The following UNC5B variants were observed in gnomAD, a reference collection of about 807,000 sequenced individuals.
The protein encoded by UNC5B is netrin receptor UNC5B.
A neutral mutation model predicts 103.7 loss-of-function variants in UNC5B; 56 were observed. The observed-to-expected ratio is 0.54, with a 90% confidence interval of 0.44 to 0.67. The LOEUF (loss-of-function observed/expected upper bound fraction) is 0.67. Among genes scored for constraint, UNC5B ranks in the 30% least tolerant of loss-of-function variants. The pLI, the probability that UNC5B is intolerant of heterozygous loss-of-function variation, is 0.00. For synonymous variants in UNC5B, 577 were observed against 542.0 expected (o/e 1.06, Z -0.90); for missense variants, 1,194 against 1,284.5 (o/e 0.93, Z 1.08).
rs2275576 is a variant in UNC5B, at chr10:71,301,951, A to G, written c.*2674A>G. On this transcript the variant is annotated 3_prime_UTR_variant, in exon 17 of 17. Transcript: ENST00000335350. Reference sequence around the variant, plus strand: ...CCCAGGACAGGAGCTTGACGGATGAAGTGCAGCCAGCCACCCAGGTGCCAT... The same window carrying G: ...CCCAGGACAGGAGCTTGACGGATGAGGTGCAGCCAGCCACCCAGGTGCCAT... 84,368 of 152,100 alleles carry G rather than the reference A, an allele frequency of 0.55. 24,412 individuals are homozygous for G. Among genetic ancestry groups the G allele is most frequent in the African/African-American group, 0.73 (30,152 of 41,454 alleles). The allele number at this position is 152,100 out of a possible 1,614,324, so 9.4% of individuals were successfully genotyped here.
rs1166415718 is a variant in UNC5B, at chr10:71,213,912, G to A, written c.79+848G>A. On this transcript the variant is annotated intron_variant, in intron 1 of 16. Coordinates refer to ENST00000335350, the MANE Select transcript of UNC5B (RefSeq NM_170744.5). The surrounding 1 kb of genome is among the most constrained non-coding windows in gnomAD (Gnocchi z 4.1). ...CCAAGATGACTTCAGCGAACTGGTG[G>A]GCTCCGAAATAAAGTCCCTAACCCT... is the stretch of plus-strand genomic sequence containing the variant. 6.6e-6 allele frequency among the ~76,000 whole-genome samples: 1 copy of A among 151,852 alleles called. No homozygotes were observed. The highest frequency in any genetic ancestry group is 1.5e-5 in the Non-Finnish European group (1 of 67,950).
At chr10:71,236,832 T>C (rs185971968) in intron 1 of UNC5B, among the ~76,000 whole-genome samples, 2 of 152,192 alleles carry the variant, frequency 1.3e-5, no homozygotes, top group African/African-American at 2.4e-5. Flanking sequence ...AACCCCCATA[T>C]TTATCATTCC....
intron 1 of UNC5B, among the ~76,000 whole-genome samples, chr10:71,265,267 T>C (rs1844498098): frequency 6.6e-6 from 1 of 152,158 alleles, no homozygotes; most frequent in Non-Finnish European, 1.5e-5. Context: ...AGGTGGTTCT[T>C]TGTGGCCAGG....
At chr10:71,252,665 C>T (rs757769235) in intron 1 of UNC5B, among the ~76,000 whole-genome samples, 1 of 152,184 alleles carries the variant, frequency 6.6e-6, no homozygotes, top group Non-Finnish European at 1.5e-5. Context: ...ATCATTTCTC[C>T]CATCTTATTG....
chr10:71,284,971 G>A lies in UNC5B; in HGVS notation c.448+108G>A, dbSNP rs1407877205. On this transcript the variant is annotated intron_variant, in intron 3 of 16. Transcript: ENST00000335350. Reference sequence around the variant, plus strand: ...GGGGCCTCCTCCAGCATCCCTGGCTGAGGATGCCCACGGCAGAGACATCCC... The same window carrying A: ...GGGGCCTCCTCCAGCATCCCTGGCTAAGGATGCCCACGGCAGAGACATCCC... The A allele has an allele frequency of 1.1e-5, 16 of 1,469,112 alleles. No homozygotes were observed. In the East Asian group the frequency reaches 3.5e-4, roughly 32 times the overall value. 91.0% of individuals were successfully genotyped at this position (1,469,112 alleles called of 1,614,324 possible). A position where few individuals can be genotyped will look rare whatever the true frequency, so the allele number is the denominator to read the frequency against.
rs142079000 is a variant in UNC5B at position 71,293,524 on chromosome 10, G to A, written c.1892G>A (p.Arg631His). 58 of 1,613,952 alleles carry A rather than the reference G, an allele frequency of 3.6e-5. No individual in the cohort carries two copies. The highest frequency in any genetic ancestry group is 1.6e-4 in the Middle Eastern group (1 of 6,062). ...TMPHCAEVSA[R>H]DWIFQLKTQA... is the part of the protein sequence containing the mutation. ...CCCCACTGTGCCGAAGTCAGTGCCC[G>A]TGACTGGATCTTTCAGCTCAAGACC... Residue 631 changes from arginine to histidine, a missense_variant, in exon 12 of 17, where the codon CGT (arginine) becomes CAT (histidine). Transcript: ENST00000335350.
chr10:71,266,339 G>A (rs1050678549), intron 1 of UNC5B, among the ~76,000 whole-genome samples: 22 of 151,962 alleles, frequency 1.4e-4, no homozygotes, highest in African/African-American at 4.8e-4. Flanking sequence ...CACCCTCCCC[G>A]CTTCCTGGTG....
In UNC5B at chr10:71,288,954, A is replaced by G; in HGVS notation, c.1067-4A>G. 1 of 1,613,722 alleles carries G rather than the reference A, an allele frequency of 6.2e-7. No homozygotes were observed. Among genetic ancestry groups the G allele is most frequent in the Non-Finnish European group, 8.5e-7 (1 of 1,179,910 alleles). On this transcript the variant is annotated splice_region_variant and splice_polypyrimidine_tract_variant and intron_variant, in intron 7 of 16. Coordinates refer to ENST00000335350, the MANE Select transcript of UNC5B (RefSeq NM_170744.5). ...ATTGTCTTTCCCTTTATTTCCCTTG[A>G]CAGATAAGAAAACTCTAAGCGACCC...
At position 71,213,739 on chromosome 10, in the gene UNC5B, G is replaced by A. The variant is rs1257160057; in HGVS notation, c.79+675G>A. Among the ~76,000 whole-genome samples the A allele has an allele frequency of 2.0e-5, 3 of 149,020 alleles. No homozygotes were observed. The highest frequency in any genetic ancestry group is 4.5e-5 in the Non-Finnish European group (3 of 67,264). On this transcript the variant is annotated intron_variant, in intron 1 of 16. Coordinates refer to ENST00000335350, the MANE Select transcript of UNC5B (RefSeq NM_170744.5). This position sits in a 1 kb window ranked among gnomAD's most constrained non-coding sequence, Gnocchi z 4.1. Reference sequence around the variant, plus strand: ...TCTGAGTGTTGGAGAGTGTGTGTGTGTGTGTGTGTGTGTGTGTGTGTGTTG... The same window carrying A: ...TCTGAGTGTTGGAGAGTGTGTGTGTATGTGTGTGTGTGTGTGTGTGTGTTG...
At chr10:71,221,038 CAGAA>C (rs1475293798) in intron 1 of UNC5B, among the ~76,000 whole-genome samples, 1 of 152,164 alleles carries the variant, frequency 6.6e-6, no homozygotes, top group Non-Finnish European at 1.5e-5. Context: ...CTCCAGCAGT[CAGAA>C]AGAAACAGAG....
intron 1 of UNC5B, among the ~76,000 whole-genome samples, chr10:71,251,773 CAG>C (rs1385312101): frequency 6.6e-6 from 1 of 152,178 alleles, no homozygotes; most frequent in Non-Finnish European, 1.5e-5. Flanking sequence ...GTGAGAGTCT[CAG>C]TGCCACAGGC....
intron 1 of UNC5B, among the ~76,000 whole-genome samples, chr10:71,226,240 A>C (rs1216551526): frequency 1.3e-5 from 2 of 152,024 alleles, no homozygotes; most frequent in East Asian, 3.9e-4. Flanking sequence ...ACACTCGGCT[A>C]ATTTTTGTAT....
chr10:71,272,710 G>A lies in UNC5B; in HGVS notation c.80-7111G>A, dbSNP rs559089184. ...CCCTCTCTGATCCGGTAGAACGCGG[G>A]GCTCCAAGGGCTCCAGGCTCTCTGA... On this transcript the variant is annotated intron_variant, in intron 1 of 16. Coordinates refer to ENST00000335350, the MANE Select transcript of UNC5B (RefSeq NM_170744.5). 8.5e-5 allele frequency among the ~76,000 whole-genome samples: 13 copies of A among 152,242 alleles called. No homozygotes were observed. In the South Asian group the frequency reaches 1.5e-3, roughly 17 times the overall value.
chr10:71,284,854 C>T lies in UNC5B; in HGVS notation c.439C>T (p.Arg147Cys), dbSNP rs184681996. 4.5e-5 allele frequency: 73 copies of T among 1,606,010 alleles called. No homozygotes were observed. The African/African-American group carries it at 5.9e-4, about 13-fold the overall frequency. Residue 147 changes from arginine to cysteine, a missense_variant, in exon 3 of 17, where the codon CGC becomes TGC. Coordinates refer to ENST00000335350, the MANE Select transcript of UNC5B (RefSeq NM_170744.5). ...CACCAAGAGTCGCCGAGCCTACGTC[C>T]GCATCGCCTGTACGCCACCCTGACC... is the stretch of plus-strand genomic sequence containing the variant. ...GTTKSRRAYV[R>C]IAYLRKNFDQ... is the part of the protein sequence containing the mutation.
chr10:71,213,773 T>C lies in UNC5B; in HGVS notation c.79+709T>C, dbSNP rs962170464. ...TGTGTGTGTGTGTGTTGGATGCGGG[T>C]AGGGGTTCTTAGCGATCCTGCGGAG... is the stretch of plus-strand genomic sequence containing the variant. On this transcript the variant is annotated intron_variant, in intron 1 of 16. Coordinates refer to ENST00000335350, the MANE Select transcript of UNC5B (RefSeq NM_170744.5). The surrounding 1 kb of genome is among the most constrained non-coding windows in gnomAD (Gnocchi z 4.1). 1.6e-5 allele frequency among the ~76,000 whole-genome samples: 2 copies of C among 122,778 alleles called. No individual in the cohort carries two copies. The highest frequency in any genetic ancestry group is 8.0e-5 in the Admixed American group (1 of 12,554). The allele number at this position is 122,778 out of a possible 152,430, so 80.5% of individuals were successfully genotyped here.
At chr10:71,248,622 C>G (rs900414645) in intron 1 of UNC5B, among the ~76,000 whole-genome samples, 4 of 152,052 alleles carry the variant, frequency 2.6e-5, no homozygotes, top group Non-Finnish European at 4.4e-5. Flanking sequence ...CCCAGTAGAC[C>G]GGCTAATATC....
chr10:71,288,772 C>G (rs778016883), intron 7 of UNC5B, 40 bp downstream of exon 7: 8 of 1,568,608 alleles, frequency 5.1e-6, no homozygotes, highest in Admixed American at 1.8e-5. Context: ...GGTGGGGACT[C>G]TGGAGCCATG....
At chr10:71,245,915 C>G (rs1194666672) in intron 1 of UNC5B, among the ~76,000 whole-genome samples, 3 of 152,222 alleles carry the variant, frequency 2.0e-5, no homozygotes, top group African/African-American at 7.2e-5. Context: ...GGACACGGGG[C>G]TGTGACTTAC....
intron 1 of UNC5B, among the ~76,000 whole-genome samples, chr10:71,246,245 T>A (rs570276390): frequency 6.6e-6 from 1 of 152,288 alleles, no homozygotes; most frequent in East Asian, 1.9e-4. Context: ...GGCTGCATAC[T>A]GTACGCTGGG....
Sources: gnomAD v4.1 joint callset for allele counts (sites outside exome capture counted in the v4.1 genomes callset) on GRCh38, gnomAD v4.1.1 for gene constraint, Gnocchi (gnomAD v3.1) non-coding constraint, MANE v1.5 for transcripts, NCBI Gene and HGNC (gene_info 2026-07-23, HGNC 2026-07-21) for gene names.